The following TEN1 variants were observed in gnomAD, a reference collection of about 807,000 sequenced individuals.
TEN1 encodes the protein CST complex subunit TEN1.
In TEN1, 6 loss-of-function variants were observed where a neutral mutation model predicts 9.3. The observed-to-expected ratio is 0.65, with a 90% CI of 0.35 to 1.27. The LOEUF is 1.27. Among genes scored for constraint, TEN1 ranks in the 50% most tolerant of loss-of-function variants. TEN1 has a pLI of 0.03. For missense variants in TEN1, 149 were observed against 158.2 expected, an observed-to-expected ratio of 0.94 and a Z score of 0.31; for synonymous variants, 65 against 65.6, an observed-to-expected ratio of 0.99 and a Z score of 0.04.
intron 2 of TEN1, among the ~76,000 whole-genome samples, chr17:75,989,753 G>A (rs1310528955): frequency 6.6e-6 from 1 of 151,452 alleles, no homozygotes; most frequent in Non-Finnish European, 1.5e-5. Context: ...ATTCAGTAGG[G>A]AAAGCATAGT....
intron 1 of TEN1, among the ~76,000 whole-genome samples, chr17:75,979,860 G>A (rs1273537678): frequency 6.6e-6 from 1 of 151,268 alleles, no homozygotes; most frequent in Non-Finnish European, 1.5e-5. Context: ...GATTGTGAGC[G>A]CTGTTCAAGG....
intron 1 of TEN1, among the ~76,000 whole-genome samples, chr17:75,982,976 AAAAAAG>A (rs1427406194): frequency 5.9e-5 from 8 of 135,422 alleles, no homozygotes; most frequent in Admixed American, 7.4e-5. Context: ...TCAAAAAAAA[AAAAAAG>A]AAAGAAAAAA....
At chr17:75,999,734 T>G (rs920500574) in intron 3 of TEN1, among the ~76,000 whole-genome samples, 5 of 152,230 alleles carry the variant, frequency 3.3e-5, no homozygotes, top group African/African-American at 1.2e-4. Flanking sequence ...ATGTATCAGG[T>G]CACCACCGCA....
chr17:75,991,377 T>C, intron 2 of TEN1, 89 bp from the exon 3 acceptor site: 3 of 1,383,406 alleles, frequency 2.2e-6, no homozygotes, highest in Non-Finnish European at 3.0e-6. Flanking sequence ...TGAACACTTT[T>C]CTATAGATTT....
chr17:75,983,496 CCCT>C (rs978644998), intron 1 of TEN1, among the ~76,000 whole-genome samples: 2 of 152,102 alleles, frequency 1.3e-5, no homozygotes, highest in African/African-American at 4.8e-5. Flanking sequence ...TGTTATCTCC[CCCT>C]GTTTTAGACA....
chr17:75,992,670 G>T (rs1178137238), intron 3 of TEN1, among the ~76,000 whole-genome samples: 1 of 151,436 alleles, frequency 6.6e-6, no homozygotes, highest in Admixed American at 6.6e-5. Flanking sequence ...CCGCCACCAC[G>T]CCTGGCTAAT....
At chr17:75,983,818 AG>A (rs1236458251) in intron 1 of TEN1, among the ~76,000 whole-genome samples, 2 of 152,000 alleles carry the variant, frequency 1.3e-5, no homozygotes, top group Admixed American at 6.6e-5. Context: ...GTCACCTCTG[AG>A]GGGGGCCGCA....
chr17:75,995,604 A>C (rs551210366), intron 3 of TEN1, among the ~76,000 whole-genome samples: 11 of 152,306 alleles, frequency 7.2e-5, no homozygotes, highest in Admixed American at 7.2e-4. Context: ...GGCGCCATCC[A>C]AAGGCCCGAG....
intron 2 of TEN1, among the ~76,000 whole-genome samples, chr17:75,987,275 C>T (rs2066157766): frequency 6.6e-6 from 1 of 152,186 alleles, no homozygotes; most frequent in Non-Finnish European, 1.5e-5. Flanking sequence ...TTGACTGGGG[C>T]CAGGACCTCT....
At chr17:75,999,819 C>T (rs1303950942) in intron 3 of TEN1, among the ~76,000 whole-genome samples, 1 of 152,030 alleles carries the variant, frequency 6.6e-6, no homozygotes, top group Non-Finnish European at 1.5e-5. Context: ...AGCTCAGTCT[C>T]TTGGATTTTT....
At position 75,979,269 on chromosome 17, in the gene TEN1, A is replaced by G; in HGVS notation, c.-249A>G. On this transcript the variant is annotated 5_prime_UTR_variant, in exon 1 of 4. Coordinates refer to ENST00000397640, the MANE Select transcript of TEN1 (RefSeq NM_001113324.3). ...TGGCGCGTGAGTGACAGCGGCCCAG[A>G]CAGAGGGGGCGATGTCCGCGTCGTG... 1 of 729,628 alleles carries G rather than the reference A, an allele frequency of 1.4e-6. No homozygotes were observed. Among genetic ancestry groups the G allele is most frequent in the East Asian group, 2.7e-5 (1 of 36,928 alleles). The allele number at this position is 729,628 out of a possible 1,614,324, so 45.2% of individuals were successfully genotyped here. A position where few individuals can be genotyped will look rare whatever the true frequency, so the allele number is the denominator to read the frequency against.
intron 3 of TEN1, among the ~76,000 whole-genome samples, chr17:75,997,616 G>C (rs1358902142): frequency 6.6e-6 from 1 of 152,092 alleles, no homozygotes; most frequent in Non-Finnish European, 1.5e-5. Context: ...GTTCTTCCCT[G>C]TCCACATATA....
At position 76,000,086 on chromosome 17, in the gene TEN1, G is replaced by C; in HGVS notation, c.251-55G>C. The C allele has an allele frequency of 1.3e-6, 2 of 1,534,624 alleles. No homozygotes were observed. The highest frequency in any genetic ancestry group is 1.8e-6 in the Non-Finnish European group (2 of 1,135,774). ...GGAACAGCTGGAATGCACCTTGGAG[G>C]ACGTTGTTGACACGCCGCTCAGTCG... On this transcript the variant is annotated intron_variant, in intron 3 of 3. Transcript: ENST00000397640. The surrounding 1 kb of genome is among the most constrained non-coding windows in gnomAD (Gnocchi z 5.9).
Position 75,987,203 on chromosome 17 carries a change from G to T in TEN1, c.92+919G>T, listed in dbSNP as rs150657517. ...GGAGTGGTTTAACTGTTTGGATCTGGCTCAGGGTCGCTCATGGGAGTGGCA... is the reference window on the plus strand; with the variant it reads ...GGAGTGGTTTAACTGTTTGGATCTGTCTCAGGGTCGCTCATGGGAGTGGCA... On this transcript the variant is annotated intron_variant, in intron 2 of 3. Transcript: ENST00000397640. 3.3e-5 allele frequency among the ~76,000 whole-genome samples: 5 copies of T among 152,288 alleles called. No homozygotes were observed. In the East Asian group the frequency reaches 9.6e-4, roughly 29 times the overall value.
At chr17:75,990,169 C>T (rs1489190708) in intron 2 of TEN1, among the ~76,000 whole-genome samples, 1 of 151,944 alleles carries the variant, frequency 6.6e-6, no homozygotes, top group East Asian at 1.9e-4. Flanking sequence ...TCTTGGCCTC[C>T]CAAGTATCTG....
chr17:75,998,701 C>T (rs775473870), intron 3 of TEN1, among the ~76,000 whole-genome samples: 1 of 151,496 alleles, frequency 6.6e-6, no homozygotes, highest in African/African-American at 2.4e-5. Flanking sequence ...TATTTATTTA[C>T]TTATTTTGAG....
intron 2 of TEN1, among the ~76,000 whole-genome samples, chr17:75,987,444 A>G (rs995792977): frequency 6.6e-6 from 1 of 152,240 alleles, no homozygotes; most frequent in African/African-American, 2.4e-5. Flanking sequence ...GAGCAGGGTG[A>G]AAACCACAGT....
At chr17:75,981,769 C>G (rs1178542348) in intron 1 of TEN1, among the ~76,000 whole-genome samples, 1 of 152,070 alleles carries the variant, frequency 6.6e-6, no homozygotes, top group African/African-American at 2.4e-5. Context: ...GTGGCTCACG[C>G]CTATAATCCT....
In TEN1 at chr17:75,991,536, G is replaced by A; in HGVS notation, c.163G>A (p.Val55Ile). 1 of 1,552,338 alleles carries A rather than the reference G, an allele frequency of 6.4e-7. No homozygotes were observed. The highest frequency in any genetic ancestry group is 1.4e-5 in the African/African-American group (1 of 73,164). Residue 55 changes from valine to isoleucine, a missense_variant, in exon 3 of 4, where the codon GTT becomes ATT. Physicochemically the swap from Val to Ile is conservative, Grantham distance 29. Coordinates refer to ENST00000397640, the MANE Select transcript of TEN1 (RefSeq NM_001113324.3). ...MAQHGSDQHQ[V>I]LVCTKLVEPF... ...TCAGCACGGATCCGATCAGCACCAG[G>A]TTCTTGTCTGTACCAAGTTGGTGGA...
Sources: allele counts gnomAD v4.1 joint callset (sites outside exome capture counted in the v4.1 genomes callset), GRCh38; gene constraint gnomAD v4.1.1; non-coding constraint Gnocchi (gnomAD v3.1); transcripts MANE v1.5; gene names NCBI Gene and HGNC (gene_info 2026-07-23, HGNC 2026-07-21).